The following PCDHGA3 variants were observed in gnomAD, a reference collection of about 807,000 sequenced individuals.
PCDHGA3 encodes the protein protocadherin gamma-A3.
Under a neutral mutation model 58.5 loss-of-function variants are expected in PCDHGA3, and 40 were observed. That is an observed-to-expected ratio of 0.68 (90% CI 0.53 to 0.89). The LOEUF (loss-of-function observed/expected upper bound fraction) is 0.89, where lower values mean the gene tolerates loss of function less well. Ranked by LOEUF, PCDHGA3 falls within the 40% of genes least tolerant of loss-of-function variation. The pLI, the probability that PCDHGA3 is intolerant of heterozygous loss-of-function variation, is 0.00. For synonymous variants in PCDHGA3, 530 were observed against 525.7 expected, an observed-to-expected ratio of 1.01 and a Z score of -0.11; for missense variants, 1,223 against 1,195.9, an observed-to-expected ratio of 1.02 and a Z score of -0.33.
chr5:141,484,962 G>A (rs2099604361), intron 1 of PCDHGA3: 1 of 577,858 alleles, frequency 1.7e-6, no homozygotes, highest in Non-Finnish European at 3.1e-6. Flanking sequence ...GGCTGAGCCC[G>A]GGAGCCGCTG....
rs781026604 is a variant in PCDHGA3, at chr5:141,490,471, C to G, written c.2425-4336C>G. ...CCACTACTCGCTGCTAACCAGCCAG[C>G]CTTTGGACCGGGAGGCCACATCCCA... On this transcript the variant is annotated intron_variant, in intron 1 of 3. Coordinates refer to ENST00000253812, the MANE Select transcript of PCDHGA3 (RefSeq NM_018916.4). The surrounding 1 kb of genome is among the most constrained non-coding windows in gnomAD (Gnocchi z 5.4). 12 of 1,614,096 alleles carry G rather than the reference C, an allele frequency of 7.4e-6. No homozygotes were observed. The highest frequency in any genetic ancestry group is 1.1e-5 in the South Asian group (1 of 91,092).
intron 1 of PCDHGA3, among the ~76,000 whole-genome samples, chr5:141,484,544 A>G (rs1160398392): frequency 6.6e-6 from 1 of 152,144 alleles, no homozygotes; most frequent in Non-Finnish European, 1.5e-5. Flanking sequence ...CAGTGGTTCT[A>G]ATTAGCAGTT....
Position 141,344,958 on chromosome 5 carries a change from T to C in PCDHGA3, c.925T>C (p.Tyr309His). The change falls in exon 1 of 4, where the codon TAT becomes CAT. Residue 309 changes from tyrosine to histidine, a missense_variant. Around this residue, in one of 3 missense-constraint regions of PCDHGA3, gnomAD observed 791 missense variants for 708.5 expected, o/e 1.12. Coordinates refer to ENST00000253812, the MANE Select transcript of PCDHGA3 (RefSeq NM_018916.4). ...GEVSILKSLD[Y>H]EDAMFYEIKI... ...AGTATCAATATTAAAAAGTCTAGAT[T>C]ATGAGGATGCCATGTTCTATGAAAT... 6.2e-7 allele frequency: 1 copy of C among 1,613,788 alleles called. No individual in the cohort carries two copies. Among genetic ancestry groups the C allele is most frequent in the Non-Finnish European group, 8.5e-7 (1 of 1,179,772 alleles).
chr5:141,502,475 A>G (rs1246548191), intron 2 of PCDHGA3, among the ~76,000 whole-genome samples: 1 of 150,884 alleles, frequency 6.6e-6, no homozygotes, highest in Non-Finnish European at 1.5e-5. Context: ...TTCCCGCAGC[A>G]TCACACTGGG....
chr5:141,433,140 CAGGTGATTCGGTATTTTCTAAAG>C (rs2097570930), intron 1 of PCDHGA3: 1 of 1,613,948 alleles, frequency 6.2e-7, no homozygotes, highest in Non-Finnish European at 8.5e-7. Flanking sequence ...CTTTTGCTGT[CAGGTGATTCGGTATTTTCTAAAG>C]ACAGTCATGG....
In PCDHGA3 at chr5:141,344,222, AGTCCGCATCGTCTCCAGAGGTAGGAC is replaced by A. The variant is rs772951832; in HGVS notation, c.191_216del (p.Val64AlafsTer35). On this transcript the variant is annotated frameshift_variant, in exon 1 of 4. Coordinates refer to ENST00000253812, the MANE Select transcript of PCDHGA3 (RefSeq NM_018916.4). LOFTEE classifies it high-confidence loss of function. The stretch of plus-strand genomic sequence containing the variant: ...AGCCCCGGGAGCTGGCGGAGCGCGG[AGTCCGCATCGTCTCCAGAGGTAGGAC>A]GCAGCTTTTCTCTCTGAATCCGCAA... 1.2e-6 allele frequency: 2 copies of A among 1,614,076 alleles called. No homozygotes were observed. The highest frequency in any genetic ancestry group is 2.2e-5 in the South Asian group (2 of 91,088).
intron 1 of PCDHGA3, chr5:141,371,621 C>T: frequency 6.2e-7 from 1 of 1,613,986 alleles, no homozygotes; most frequent in Middle Eastern, 1.6e-4. Flanking sequence ...CAGATGGAGC[C>T]CTGGACCGGG....
intron 1 of PCDHGA3, chr5:141,393,734 A>G (rs1453820640): frequency 1.9e-6 from 3 of 1,613,888 alleles, no homozygotes; most frequent in East Asian, 2.2e-5. Context: ...CAAAAAGTCT[A>G]GATTATGAAG....
At chr5:141,425,918 CG>C (rs2096903264) in intron 1 of PCDHGA3, among the ~76,000 whole-genome samples, 1 of 152,200 alleles carries the variant, frequency 6.6e-6, no homozygotes, top group Admixed American at 6.5e-5. Context: ...ACAGTCACTA[CG>C]AAAACTCATA....
At chr5:141,371,693 C>T in intron 1 of PCDHGA3, 1 of 1,614,066 alleles carries the variant, frequency 6.2e-7, no homozygotes, top group Non-Finnish European at 8.5e-7. Context: ...CACCGCTCTC[C>T]TCCAGCAAGA....
At chr5:141,469,543 C>T (rs1031152008) in intron 1 of PCDHGA3, among the ~76,000 whole-genome samples, 1 of 152,040 alleles carries the variant, frequency 6.6e-6, no homozygotes, top group Non-Finnish European at 1.5e-5. Context: ...CCACTGCACT[C>T]CAGCCTGGCG....
intron 1 of PCDHGA3, among the ~76,000 whole-genome samples, chr5:141,379,866 T>A (rs1199183265): frequency 1.3e-5 from 2 of 149,428 alleles, no homozygotes; most frequent in Non-Finnish European, 3.0e-5. Context: ...GTCTTATTCT[T>A]ATTTTATGGT....
At chr5:141,501,318 C>T (rs1273608837) in intron 2 of PCDHGA3, among the ~76,000 whole-genome samples, 1 of 151,766 alleles carries the variant, frequency 6.6e-6, no homozygotes, top group African/African-American at 2.4e-5. Flanking sequence ...CACACACACA[C>T]ACACACACAC....
intron 3 of PCDHGA3, among the ~76,000 whole-genome samples, chr5:141,509,952 C>T (rs954730777): frequency 7.2e-5 from 11 of 152,186 alleles, no homozygotes; most frequent in African/African-American, 2.2e-4. Flanking sequence ...CAAATGCTAC[C>T]GGGTATGGCC....
At chr5:141,453,852 T>A (rs905734700) in intron 1 of PCDHGA3, among the ~76,000 whole-genome samples, 5 of 152,164 alleles carry the variant, frequency 3.3e-5, no homozygotes, top group African/African-American at 1.2e-4. Context: ...ACAGAGCACT[T>A]TGAAAATAAC....
chr5:141,361,812 G>C, intron 1 of PCDHGA3: 1 of 1,613,072 alleles, frequency 6.2e-7, no homozygotes, highest in Non-Finnish European at 8.5e-7. Context: ...ATGACAATGC[G>C]CCACGGGTGC....
intron 1 of PCDHGA3, chr5:141,418,015 G>C: frequency 6.2e-7 from 1 of 1,613,964 alleles, no homozygotes; most frequent in Non-Finnish European, 8.5e-7. Context: ...ACCTCGCTAA[G>C]GATCTAGGGC....
Position 141,485,486 on chromosome 5 carries a change from C to A in PCDHGA3, c.2425-9321C>A. On this transcript the variant is annotated intron_variant, in intron 1 of 3. Transcript: ENST00000253812. This position sits in a 1 kb window ranked among gnomAD's most constrained non-coding sequence, Gnocchi z 5.7. Reference sequence around the variant, plus strand: ...TGGGCTCAGTGCCAGCTGCATCGTGCCCCTGGAGTTTGTCACCGAAGGTCC... The same window carrying A: ...TGGGCTCAGTGCCAGCTGCATCGTGACCCTGGAGTTTGTCACCGAAGGTCC... 6.2e-7 allele frequency: 1 copy of A among 1,614,104 alleles called. No individual in the cohort carries two copies.
intron 1 of PCDHGA3, chr5:141,355,795 G>T (rs751391789): frequency 6.2e-6 from 10 of 1,613,288 alleles, no homozygotes; most frequent in Admixed American, 1.7e-5. Flanking sequence ...GCTGGAACGC[G>T]CTCTAGATCG....
Sources: allele counts gnomAD v4.1 joint callset (sites outside exome capture counted in the v4.1 genomes callset), GRCh38; gene constraint gnomAD v4.1.1; regional missense constraint gnomAD v4.1.1; non-coding constraint Gnocchi (gnomAD v3.1); transcripts MANE v1.5; gene names NCBI Gene and HGNC (gene_info 2026-07-23, HGNC 2026-07-21).